Variants in GC observed in about 807,000 individuals in gnomAD.
The protein encoded by GC is GC vitamin D binding protein.
GC carries 43 observed loss-of-function variants against 56.7 expected under a neutral mutation model. The observed-to-expected ratio is 0.76, with a 90% CI of 0.59 to 0.98. GC has a LOEUF of 0.98. Among genes scored for constraint, GC ranks in the 50% least tolerant of loss-of-function variants. GC has a pLI of 0.00. For synonymous variants in GC, 216 were observed against 202.7 expected (o/e 1.07, Z -0.56); for missense variants, 529 against 545.9 (o/e 0.97, Z 0.31).
intron 10 of GC, 50 bp from the exon 11 acceptor site, chr4:71,752,700 C>A (rs1261345155): frequency 1.3e-6 from 2 of 1,486,730 alleles, no homozygotes; most frequent in African/African-American, 2.8e-5. Flanking sequence ...TTATTTTATA[C>A]AAATTTCTAA....
intron 3 of GC, among the ~76,000 whole-genome samples, chr4:71,767,891 ATAAG>A (rs1300440545): frequency 6.6e-6 from 1 of 151,972 alleles, no homozygotes; most frequent in Non-Finnish European, 1.5e-5. Context: ...GCTCCCACTT[ATAAG>A]TGAGAACATA....
chr4:71,758,172 C>T lies in GC; in HGVS notation c.702-1G>A, dbSNP rs749825631. 2 of 1,610,864 alleles carry T rather than the reference C, an allele frequency of 1.2e-6. No individual in the cohort carries two copies. Among genetic ancestry groups the T allele is most frequent in the South Asian group, 2.2e-5 (2 of 90,624 alleles). On this transcript the variant is annotated splice_acceptor_variant, in intron 6 of 12. Transcript: ENST00000273951. LOFTEE classifies it high-confidence loss of function. ...TTTTTGGGCTAACTTTATGAGATTG[C>T]TAAACAGTTAAAAATAAATATGTTA...
chr4:71,790,460 G>C (rs1255263010), intron 1 of GC, among the ~76,000 whole-genome samples: 2 of 151,858 alleles, frequency 1.3e-5, no homozygotes, highest in Non-Finnish European at 2.9e-5. Flanking sequence ...ATCTTGGAGT[G>C]TTTAGTTCAT....
intron 4 of GC, 91 bp downstream of exon 4, chr4:71,765,341 A>T: frequency 1.0e-6 from 1 of 968,836 alleles, no homozygotes; most frequent in Admixed American, 1.7e-5. Context: ...AGGTTGCTGT[A>T]GAAGAGGTGT....
chr4:71,785,983 A>G (rs920023700), upstream of GC: 3 of 151,744 alleles, frequency 2.0e-5, no homozygotes, highest in Non-Finnish European at 4.4e-5. Flanking sequence ...AAAAAGACAC[A>G]CTCAGATTAT....
At chr4:71,756,672 A>T in intron 8 of GC, 40 bp downstream of exon 8, 1 of 1,447,354 alleles carries the variant, frequency 6.9e-7, no homozygotes, top group Non-Finnish European at 9.7e-7. Context: ...GTCCAGATGA[A>T]CTTAAAATGG....
chr4:71,762,614 A>G (rs1271329528), intron 6 of GC, among the ~76,000 whole-genome samples: 2 of 152,186 alleles, frequency 1.3e-5, no homozygotes, highest in Admixed American at 1.3e-4. Flanking sequence ...AACTCCCACA[A>G]TTTCCACATG....
intron 10 of GC, 41 bp downstream of exon 10, chr4:71,754,370 A>G (rs1741648580): frequency 2.2e-6 from 2 of 895,448 alleles, no homozygotes; most frequent in Non-Finnish European, 3.6e-6. Flanking sequence ...TGAAAATATT[A>G]TTGATAAATT....
At chr4:71,777,029 G>C (rs1742528886) in intron 1 of GC, among the ~76,000 whole-genome samples, 1 of 151,720 alleles carries the variant, frequency 6.6e-6, no homozygotes, top group African/African-American at 2.4e-5. Flanking sequence ...GCATTATCTT[G>C]TATAGGAAAA....
chr4:71,745,282 G>A (rs183144822), intron 12 of GC, among the ~76,000 whole-genome samples: 146 of 152,236 alleles, frequency 9.6e-4, no homozygotes, highest in Non-Finnish European at 1.9e-3. Flanking sequence ...AAGTTTTCTT[G>A]ACCATCCCCC....
At position 71,760,041 on chromosome 4, in the gene GC, G is replaced by GTT. The variant is rs66464250; in HGVS notation, c.702-1872_702-1871dup. On this transcript the variant is annotated intron_variant, in intron 6 of 12. Transcript: ENST00000273951. The stretch of plus-strand genomic sequence containing the variant: ...GGAACTGTTATATTTAAAGAAACTA[G>GTT]TTTTTTTTTTTTTTTTTTTGAGACG... Among the ~76,000 whole-genome samples the GTT allele has an allele frequency of 2.4e-4, 24 of 101,434 alleles. 1 individual carries two copies. Among genetic ancestry groups the GTT allele is most frequent in the African/African-American group, 5.5e-4 (17 of 30,976 alleles). The allele number at this position is 101,434 out of a possible 152,430, so 66.5% of individuals were successfully genotyped here.
At chr4:71,794,994 C>T (rs1743062323) in intron 1 of GC, among the ~76,000 whole-genome samples, 1 of 152,146 alleles carries the variant, frequency 6.6e-6, no homozygotes, top group Non-Finnish European at 1.5e-5. Context: ...ATCCTGAGTT[C>T]TAATTTGATT....
intron 1 of GC, among the ~76,000 whole-genome samples, chr4:71,792,275 CCCA>C (rs1742990253): frequency 6.6e-6 from 1 of 152,152 alleles, no homozygotes; most frequent in Non-Finnish European, 1.5e-5. Flanking sequence ...AATTTACACT[CCCA>C]CCAACAGTGT....
intron 6 of GC, among the ~76,000 whole-genome samples, chr4:71,759,164 C>T (rs1741884084): frequency 6.6e-6 from 1 of 152,096 alleles, no homozygotes; most frequent in South Asian, 2.1e-4. Context: ...GTATATACCA[C>T]ATTGTCTTCA....
intron 6 of GC, among the ~76,000 whole-genome samples, chr4:71,761,673 G>T (rs1445364169): frequency 6.6e-6 from 1 of 152,164 alleles, no homozygotes; most frequent in Non-Finnish European, 1.5e-5. Flanking sequence ...CGTGCTGTGT[G>T]CAGTCTAGGT....
At chr4:71,767,355 A>C (rs1163639650) in intron 3 of GC, among the ~76,000 whole-genome samples, 1 of 152,094 alleles carries the variant, frequency 6.6e-6, no homozygotes. Flanking sequence ...CCTTAGATTT[A>C]ACCCTTTTCA....
rs1742125664 is a variant in GC at position 71,765,479 on chromosome 4, A to G, written c.426T>C (p.Asp142=). 3 of 1,613,340 alleles carry G rather than the reference A, an allele frequency of 1.9e-6. No homozygotes were observed. Among genetic ancestry groups the G allele is most frequent in the African/African-American group, 2.7e-5 (2 of 75,008 alleles). The stretch of plus-strand genomic sequence containing the variant: ...CTTTCCTGAACGCCTCACAGATTTC[A>G]TCATTTGTGGGTTCCACGTAGGTAG... ...EFPTYVEPTN[D]EICEAFRKDP... The change falls in exon 4 of 13, where the codon GAT becomes GAC. Residue 142 remains aspartate (D), a synonymous_variant. Coordinates refer to ENST00000273951, the MANE Select transcript of GC (RefSeq NM_000583.4).
chr4:71,769,459 A>G, intron 1 of GC, 59 bp from the exon 2 acceptor site: 1 of 1,083,850 alleles, frequency 9.2e-7, no homozygotes, highest in Non-Finnish European at 1.4e-6. Context: ...ATTATGTTAC[A>G]TGTACATGTA....
chr4:71,788,801 A>C (rs536284937), upstream of GC, among the ~76,000 whole-genome samples: 3 of 152,008 alleles, frequency 2.0e-5, no homozygotes, highest in African/African-American at 7.2e-5. Flanking sequence ...ACAGAGAGGC[A>C]GCTACACCTC....
Sources: gnomAD v4.1 joint callset for allele counts (sites outside exome capture counted in the v4.1 genomes callset) on GRCh38, gnomAD v4.1.1 for gene constraint, MANE v1.5 for transcripts, NCBI Gene and HGNC (gene_info 2026-07-23, HGNC 2026-07-21) for gene names.